RGMA: variants seen among roughly 807,000 people sequenced by gnomAD.
RGMA encodes repulsive guidance molecule BMP co-receptor a.
A neutral mutation model predicts 23.2 loss-of-function variants in RGMA; 10 were observed. The ratio of observed to expected loss-of-function variants is 0.43; its 90% CI spans 0.27 to 0.73. RGMA has a LOEUF of 0.73. RGMA is among the 30% of genes least tolerant of loss of function. The probability of loss-of-function intolerance (pLI) is 0.20; values close to 1 mark genes in which losing one functional copy is unlikely to be tolerated. For synonymous variants in RGMA, 308 were observed against 279.3 expected (o/e 1.10, Z -1.03); for missense variants, 547 against 630.5 (o/e 0.87, Z 1.42).
At position 93,043,429 on chromosome 15, in the gene RGMA, A is replaced by AAACTT. The variant is rs2141785080; in HGVS notation, c.*1564_*1568dup. On this transcript the variant is annotated 3_prime_UTR_variant, in exon 4 of 4. Transcript: ENST00000329082. ...TCTAAAAGAAAATAACAAAAAAACC[A>AAACTT]AACTTTACTTGCATTTAGCCATTAA... The AAACTT allele has an allele frequency of 6.6e-6, 1 of 152,622 alleles. No individual in the cohort carries two copies. The highest frequency in any genetic ancestry group is 2.1e-4 in the South Asian group (1 of 4,834). 9.5% of individuals were successfully genotyped at this position (152,622 alleles called of 1,614,324 possible). A position where few individuals can be genotyped will look rare whatever the true frequency, so the allele number is the denominator to read the frequency against.
chr15:93,052,398 G>A lies in RGMA; in HGVS notation c.240C>T (p.Arg80=), dbSNP rs2141810489. The change falls in exon 3 of 4, where the codon CGC becomes CGT. Residue 80 remains arginine (R), a synonymous_variant. Transcript: ENST00000329082. Reference sequence around the variant, plus strand: ...TCCGCCGCGTGCACAGGGCGTAGCTGCGCAAGGCTGCACAGAACTCGGGGG... The same window carrying A: ...TCCGCCGCGTGCACAGGGCGTAGCTACGCAAGGCTGCACAGAACTCGGGGG... ...DDTPEFCAAL[R]SYALCTRRTA... is the part of the protein sequence containing the mutation. 6.3e-7 allele frequency: 1 copy of A among 1,599,476 alleles called. No homozygotes were observed.
At chr15:93,066,038 T>A in intron 2 of RGMA, 1 of 1,506,982 alleles carries the variant, frequency 6.6e-7, no homozygotes, top group Non-Finnish European at 9.2e-7. Flanking sequence ...GCTGAAGGGA[T>A]CTCTGCCACC....
At position 93,042,851 on chromosome 15, in the gene RGMA, C is replaced by G. The variant is rs1413694461; in HGVS notation, c.*2147G>C. ...TCCGCCCGGGCTATGAGAAGATGGG[C>G]ACTGGCAGGGAGGGTGGCAGGCAGT... is the stretch of plus-strand genomic sequence containing the variant. On this transcript the variant is annotated 3_prime_UTR_variant, in exon 4 of 4. Transcript: ENST00000329082. 1 of 151,540 alleles carries G rather than the reference C, an allele frequency of 6.6e-6. No homozygotes were observed. The highest frequency in any genetic ancestry group is 2.4e-5 in the African/African-American group (1 of 41,406). 9.4% of individuals were successfully genotyped at this position (151,540 alleles called of 1,614,324 possible).
At chr15:93,058,537 T>C (rs1226574504) in intron 2 of RGMA, among the ~76,000 whole-genome samples, 4 of 152,242 alleles carry the variant, frequency 2.6e-5, no homozygotes, top group Non-Finnish European at 5.9e-5. Flanking sequence ...TAACAGCTAA[T>C]GTGTTATCGA....
At chr15:93,066,627 ACCG>A (rs1228483706) in intron 2 of RGMA, 5 of 443,500 alleles carry the variant, frequency 1.1e-5, no homozygotes, top group South Asian at 3.3e-5. Flanking sequence ...TGCCGTCACC[ACCG>A]CCGCCGCCTC....
chr15:93,088,897 C>G, intron 1 of RGMA, 22 bp downstream of exon 1: 1 of 1,482,314 alleles, frequency 6.7e-7, no homozygotes, highest in Non-Finnish European at 8.9e-7. Context: ...CCGGGTCTGC[C>G]CGGCTCCCGA....
chr15:93,036,014 C>A lies in RGMA; in HGVS notation c.*8984G>T, dbSNP rs2054656533. On this transcript the variant is annotated 3_prime_UTR_variant, in exon 4 of 4. Coordinates refer to ENST00000329082, the MANE Select transcript of RGMA (RefSeq NM_020211.3). ...ATCCCCTTCCCTGATGGGCTGGTCA[C>A]CGTGAAGGGCCCCCTCCCCACACTG... is the stretch of plus-strand genomic sequence containing the variant. The A allele has an allele frequency of 6.6e-6, 1 of 152,230 alleles. No homozygotes were observed. Among genetic ancestry groups the A allele is most frequent in the South Asian group, 2.1e-4 (1 of 4,832 alleles). The allele number at this position is 152,230 out of a possible 1,614,324, so 9.4% of individuals were successfully genotyped here. A position where few individuals can be genotyped will look rare whatever the true frequency, so the allele number is the denominator to read the frequency against.
chr15:93,068,442 G>A (rs1317762989), intron 2 of RGMA, among the ~76,000 whole-genome samples: 1 of 152,124 alleles, frequency 6.6e-6, no homozygotes, highest in African/African-American at 2.4e-5. Flanking sequence ...TCATAGAGTG[G>A]CCTTATCTGT....
Position 93,043,138 on chromosome 15 carries a change from C to T in RGMA, c.*1860G>A, listed in dbSNP as rs2054745976. 6.6e-6 allele frequency: 1 copy of T among 152,306 alleles called. No individual in the cohort carries two copies. Among genetic ancestry groups the T allele is most frequent in the Admixed American group, 6.5e-5 (1 of 15,288 alleles). 9.4% of individuals were successfully genotyped at this position (152,306 alleles called of 1,614,324 possible). A position where few individuals can be genotyped will look rare whatever the true frequency, so the allele number is the denominator to read the frequency against. ...GTTAAACTGCTGCATCTTCTATCCG[C>T]CTTCACACCATTCTCACGCACATAC... On this transcript the variant is annotated 3_prime_UTR_variant, in exon 4 of 4. Transcript: ENST00000329082.
In RGMA at chr15:93,045,958, A is replaced by G. The variant is rs1596078464; in HGVS notation, c.646-253T>C. ...AATGTTAGACCACTACCCTAAGTAG[A>G]AAACTAGCTCTTTTACTATATAGGG... On this transcript the variant is annotated intron_variant, in intron 3 of 3. Transcript: ENST00000329082. The surrounding 1 kb of genome is among the most constrained non-coding windows in gnomAD (Gnocchi z 6.9). 6.6e-6 allele frequency among the ~76,000 whole-genome samples: 1 copy of G among 152,364 alleles called. No homozygotes were observed. The highest frequency in any genetic ancestry group is 1.9e-4 in the East Asian group (1 of 5,190).
intron 1 of RGMA, among the ~76,000 whole-genome samples, chr15:93,085,109 A>G (rs937642098): frequency 6.6e-6 from 1 of 152,162 alleles, no homozygotes; most frequent in African/African-American, 2.4e-5. Context: ...TAGGCAGAAT[A>G]TCTCTGTTTC....
Position 93,045,711 on chromosome 15 carries a change from G to C in RGMA, c.646-6C>G. On this transcript the variant is annotated splice_region_variant and splice_polypyrimidine_tract_variant and intron_variant, in intron 3 of 3. Coordinates refer to ENST00000329082, the MANE Select transcript of RGMA (RefSeq NM_020211.3). This position sits in a 1 kb window ranked among gnomAD's most constrained non-coding sequence, Gnocchi z 6.9. ...TTCTTGAAGATGATGGTGAGCTGCC[G>C]GGGAAAGGGGCAGAGGAGAGTGGGT... 1 of 1,596,252 alleles carries C rather than the reference G, an allele frequency of 6.3e-7. No individual in the cohort carries two copies. The highest frequency in any genetic ancestry group is 2.2e-5 in the East Asian group (1 of 44,830).
At chr15:93,057,076 G>A (rs2055026613) in intron 2 of RGMA, among the ~76,000 whole-genome samples, 1 of 152,136 alleles carries the variant, frequency 6.6e-6, no homozygotes, top group Non-Finnish European at 1.5e-5. Flanking sequence ...CTCACTCTCA[G>A]GGCGCAGTGG....
At chr15:93,049,909 C>T (rs1486697398) in intron 3 of RGMA, among the ~76,000 whole-genome samples, 1 of 152,200 alleles carries the variant, frequency 6.6e-6, no homozygotes, top group African/African-American at 2.4e-5. Context: ...TCGAGGTGGT[C>T]ACAGAAACCC....
At position 93,052,188 on chromosome 15, in the gene RGMA, G is replaced by C. The variant is rs1395355126; in HGVS notation, c.450C>G (p.Ser150Arg). ...DSPEICHYEKSFHKHSATPNY... is the reference protein window; with the variant it reads ...DSPEICHYEKRFHKHSATPNY... ...TGGGGGTGGCCGAGTGCTTGTGAAAGCTCTTCTCGTAATGGCAGATCTCGG... is the reference window on the plus strand; with the variant it reads ...TGGGGGTGGCCGAGTGCTTGTGAAACCTCTTCTCGTAATGGCAGATCTCGG... Residue 150 changes from serine to arginine, a missense_variant, in exon 3 of 4, where the codon AGC becomes AGG. Around this residue, in one of 3 missense-constraint regions of RGMA, gnomAD observed 214 missense variants for 234.7 expected, o/e 0.91. Coordinates refer to ENST00000329082, the MANE Select transcript of RGMA (RefSeq NM_020211.3). 6.2e-7 allele frequency: 1 copy of C among 1,611,964 alleles called. No individual in the cohort carries two copies. Among genetic ancestry groups the C allele is most frequent in the Non-Finnish European group, 8.5e-7 (1 of 1,178,448 alleles).
rs1230320507 is a variant in RGMA, at chr15:93,058,971, C to T, written c.131-6464G>A. Among the ~76,000 whole-genome samples, 8 of 152,166 alleles carry T rather than the reference C, an allele frequency of 5.3e-5. No homozygotes were observed. In the East Asian group the frequency reaches 5.8e-4, roughly 11 times the overall value. On this transcript the variant is annotated intron_variant, in intron 2 of 3. Transcript: ENST00000329082. Reference sequence around the variant, plus strand: ...GTGACAATAAAATAGCCTGCGCTCCCGGGGCCTGTGCAGGTGACACATTGC... The same window carrying T: ...GTGACAATAAAATAGCCTGCGCTCCTGGGGCCTGTGCAGGTGACACATTGC...
chr15:93,049,834 G>A (rs76069502), intron 3 of RGMA, among the ~76,000 whole-genome samples: 4,136 of 152,324 alleles, frequency 0.027, 143 homozygotes, highest in African/African-American at 0.079. Context: ...CCTGAGAGGG[G>A]AAAGGGGAGT....
chr15:93,065,487 T>C, intron 2 of RGMA: 1 of 494,626 alleles, frequency 2.0e-6, no homozygotes. Flanking sequence ...TGCCATGAAT[T>C]ATGGGAAACG....
intron 1 of RGMA, chr15:93,073,919 C>A: frequency 7.0e-7 from 1 of 1,438,370 alleles, no homozygotes; most frequent in Non-Finnish European, 9.1e-7. Context: ...CCGCGTGGCG[C>A]GCAGGGCCGG....
Sources: allele counts gnomAD v4.1 joint callset (sites outside exome capture counted in the v4.1 genomes callset), GRCh38; gene constraint gnomAD v4.1.1; regional missense constraint gnomAD v4.1.1; non-coding constraint Gnocchi (gnomAD v3.1); transcripts MANE v1.5; gene names NCBI Gene and HGNC (gene_info 2026-07-23, HGNC 2026-07-21).